DNMT3B: variants seen among roughly 807,000 people sequenced by gnomAD.
The protein encoded by DNMT3B is DNA (cytosine-5)-methyltransferase 3B.
A neutral mutation model predicts 120.2 loss-of-function variants in DNMT3B; 37 were observed. The observed-to-expected ratio is 0.31, with a 90% CI of 0.24 to 0.40. The LOEUF (loss-of-function observed/expected upper bound fraction) is 0.40. Among genes scored for constraint, DNMT3B ranks in the 10% least tolerant of loss-of-function variants. The pLI is 1.00. For synonymous variants in DNMT3B, 412 were observed against 442.8 expected (o/e 0.93, Z 0.87); for missense variants, 878 against 1,137.3 (o/e 0.77, Z 3.28).
Position 32,800,205 on chromosome 20 carries a change from T to C in DNMT3B, c.1812T>C (p.Ser604=). 5 of 1,614,200 alleles carry C rather than the reference T, an allele frequency of 3.1e-6. No homozygotes were observed. The highest frequency in any genetic ancestry group is 1.3e-5 in the African/African-American group (1 of 75,046). The change falls in exon 17 of 23, where the codon TCT becomes TCC. Residue 604 remains serine, a synonymous_variant. Transcript: ENST00000328111. The stretch of plus-strand genomic sequence containing the variant: ...TAAAGGTAGGAAAGTACGTCGCTTC[T>C]GAAGTGTGTGAGGAGTCCATTGCTG... ...LGIKVGKYVA[S]EVCEESIAVG...
chr20:32,784,547 C>T (rs558728947), intron 3 of DNMT3B, among the ~76,000 whole-genome samples: 14 of 152,238 alleles, frequency 9.2e-5, no homozygotes, highest in African/African-American at 3.4e-4. Flanking sequence ...ACGAGGAAGC[C>T]CTGATGACAT....
chr20:32,764,440 AG>A (rs1987175798), intron 1 of DNMT3B, among the ~76,000 whole-genome samples: 1 of 152,106 alleles, frequency 6.6e-6, no homozygotes, highest in Admixed American at 6.5e-5. Flanking sequence ...CCCTCATTTT[AG>A]GGTGGCCATT....
Position 32,808,067 on chromosome 20 carries a change from C to A in DNMT3B, c.*164C>A, listed in dbSNP as rs930023997. On this transcript the variant is annotated 3_prime_UTR_variant, in exon 23 of 23. Coordinates refer to ENST00000328111, the MANE Select transcript of DNMT3B (RefSeq NM_006892.4). ...TGGGGGCAGAGCCACCTGACTCTTG[C>A]AGGGGTAGCCTGAGGTGCCGCCTCC... The A allele has an allele frequency of 3.3e-6, 4 of 1,224,338 alleles. No homozygotes were observed. The highest frequency in any genetic ancestry group is 3.4e-6 in the Non-Finnish European group (3 of 874,812). 75.8% of individuals were successfully genotyped at this position (1,224,338 alleles called of 1,614,324 possible).
chr20:32,802,928 A>G (rs1981531938), intron 20 of DNMT3B, among the ~76,000 whole-genome samples: 2 of 152,286 alleles, frequency 1.3e-5, no homozygotes, highest in South Asian at 4.2e-4. Context: ...GAGCTTGTTG[A>G]TGCTCCTGCC....
chr20:32,775,370 G>A (rs914163921), intron 1 of DNMT3B, among the ~76,000 whole-genome samples: 4 of 152,224 alleles, frequency 2.6e-5, no homozygotes, highest in African/African-American at 9.7e-5. Flanking sequence ...TCTGCTGCTG[G>A]TATCAGCCTG....
At chr20:32,801,453 C>A in intron 19 of DNMT3B, 27 bp downstream of exon 19, 2 of 1,613,320 alleles carry the variant, frequency 1.2e-6, no homozygotes, top group South Asian at 2.2e-5. Context: ...ACCTGATTGT[C>A]ACAGACAGCC....
At chr20:32,767,216 G>A (rs73112123) in intron 1 of DNMT3B, among the ~76,000 whole-genome samples, 3,177 of 152,138 alleles carry the variant, frequency 0.021, 48 homozygotes, top group Non-Finnish European at 0.031. Flanking sequence ...TTTTAATGGG[G>A]TCCTTGTCTT....
Position 32,789,009 on chromosome 20 carries a change from C to G in DNMT3B, c.810C>G (p.Ser270=), listed in dbSNP as rs140518698. ...AGTGGTTTGGCGATGGCAAGTTCTC[C>G]GAGGTGAGTCCGGGGAAGGGCAAGG... The part of the protein sequence containing the change: ...WVQWFGDGKF[S]EVSADKLVAL... Residue 270 remains serine, a synonymous_variant, in exon 7 of 23, where the codon TCC becomes TCG. Coordinates refer to ENST00000328111, the MANE Select transcript of DNMT3B (RefSeq NM_006892.4). 6.2e-7 allele frequency: 1 copy of G among 1,613,914 alleles called. No individual in the cohort carries two copies. The highest frequency in any genetic ancestry group is 1.7e-5 in the Admixed American group (1 of 60,010).
chr20:32,783,343 A>G (rs992134874), intron 3 of DNMT3B, among the ~76,000 whole-genome samples: 31 of 152,208 alleles, frequency 2.0e-4, no homozygotes, highest in African/African-American at 7.5e-4. Flanking sequence ...ATTTCAAACA[A>G]TTATATCTTC....
At chr20:32,793,065 T>A (rs1233511600) in intron 9 of DNMT3B, among the ~76,000 whole-genome samples, 1 of 152,226 alleles carries the variant, frequency 6.6e-6, no homozygotes, top group Non-Finnish European at 1.5e-5. Flanking sequence ...AAAAAATAGT[T>A]AAGCTATGCT....
chr20:32,794,364 AAC>A lies in DNMT3B; in HGVS notation c.1126+770_1126+771del, dbSNP rs1335406481. 8.4e-3 allele frequency among the ~76,000 whole-genome samples: 1,125 copies of A among 134,640 alleles called. 10 individuals are homozygous for A. Among genetic ancestry groups the A allele is most frequent in the African/African-American group, 0.029 (1,029 of 35,630 alleles). The allele number at this position is 134,640 out of a possible 152,430, so 88.3% of individuals were successfully genotyped here. ...TCTCAAAAAAAAAAAAAAAAAAAAA[AAC>A]CAAAACAGAAACAAAAAAGAAAGAA... On this transcript the variant is annotated intron_variant, in intron 10 of 22. Coordinates refer to ENST00000328111, the MANE Select transcript of DNMT3B (RefSeq NM_006892.4).
At chr20:32,783,900 A>G (rs1978929000) in intron 3 of DNMT3B, among the ~76,000 whole-genome samples, 1 of 125,462 alleles carries the variant, frequency 8.0e-6, no homozygotes, top group Non-Finnish European at 1.6e-5. Flanking sequence ...TAACTTTTGT[A>G]TTTGTATTTG....
At chr20:32,768,318 G>A (rs933866449) in intron 1 of DNMT3B, among the ~76,000 whole-genome samples, 2 of 145,694 alleles carry the variant, frequency 1.4e-5, no homozygotes, top group African/African-American at 5.2e-5. Context: ...TCAGCCTCCC[G>A]AGTAGCTGGG....
intron 22 of DNMT3B, among the ~76,000 whole-genome samples, chr20:32,806,601 C>T (rs1982009320): frequency 6.6e-6 from 1 of 152,232 alleles, no homozygotes; most frequent in South Asian, 2.1e-4. Flanking sequence ...TCCCAACATG[C>T]TGGGACACTA....
rs145775405 is a variant in DNMT3B, at chr20:32,764,546, C to T, written c.-7+1847C>T. Among the ~76,000 whole-genome samples the T allele has an allele frequency of 8.1e-3, 1,234 of 152,282 alleles. 7 individuals carry two copies. The highest frequency in any genetic ancestry group is 0.018 in the Admixed American group (281 of 15,282). ...CTGAAAGCTTTTCTCAATCATTGTC[C>T]ACGATTAGGGAGTTGGCAGGAAGAA... is the stretch of plus-strand genomic sequence containing the variant. On this transcript the variant is annotated intron_variant, in intron 1 of 22. Coordinates refer to ENST00000328111, the MANE Select transcript of DNMT3B (RefSeq NM_006892.4).
intron 20 of DNMT3B, among the ~76,000 whole-genome samples, chr20:32,803,131 G>A (rs533322712): frequency 6.6e-6 from 1 of 152,324 alleles, no homozygotes; most frequent in African/African-American, 2.4e-5. Flanking sequence ...ATCACCAGGA[G>A]CATTTCATAT....
chr20:32,786,531 C>T lies in DNMT3B; in HGVS notation c.336C>T (p.Ser112=), dbSNP rs199763590. 4.3e-4 allele frequency: 698 copies of T among 1,614,056 alleles called. 4 individuals are homozygous for T. The South Asian group carries it at 5.4e-3, about 12-fold the overall frequency. The change falls in exon 5 of 23, where the codon TCC becomes TCT. Residue 112 remains serine, a synonymous_variant. Transcript: ENST00000328111. ...AVRTRNNNSV[S]SRERHRPSPR... ...GAACTCGAAATAACAACAGTGTCTC[C>T]AGCCGGGAGAGGCACAGGCCTTCCC...
intron 8 of DNMT3B, 96 bp from the exon 9 acceptor site, chr20:32,792,530 A>AG: frequency 6.2e-7 from 1 of 1,601,070 alleles, no homozygotes; most frequent in South Asian, 1.1e-5. Flanking sequence ...CCCAGTGTGA[A>AG]GGGGAATGTA....
Position 32,787,241 on chromosome 20 carries a change from G to C in DNMT3B, c.444G>C (p.Arg148=), listed in dbSNP as rs1291814051. 6.2e-7 allele frequency: 1 copy of C among 1,614,240 alleles called. No homozygotes were observed. The highest frequency in any genetic ancestry group is 1.7e-5 in the Admixed American group (1 of 60,032). ...VEFPATRSLR[R]RATASAGTPW... ...CCTTCTGTCCACAGTCCCTGAGACG[G>C]CGGGCAACAGCATCGGCAGGAACGC... The change falls in exon 6 of 23, where the codon CGG becomes CGC. Residue 148 remains arginine (R), a synonymous_variant. Coordinates refer to ENST00000328111, the MANE Select transcript of DNMT3B (RefSeq NM_006892.4).
Sources: gnomAD v4.1 joint callset for allele counts (sites outside exome capture counted in the v4.1 genomes callset) on GRCh38, gnomAD v4.1.1 for gene constraint, MANE v1.5 for transcripts, NCBI Gene and HGNC (gene_info 2026-07-23, HGNC 2026-07-21) for gene names.